Variants in ZBTB7C observed in about 807,000 individuals in gnomAD.
The protein encoded by ZBTB7C is zinc finger and BTB domain containing 7C, also known as zinc finger and BTB domain-containing protein 7C.
Under a neutral mutation model 25.7 loss-of-function variants are expected in ZBTB7C, and 8 were observed. That is an observed-to-expected ratio of 0.31 (90% CI 0.18 to 0.56). The LOEUF (loss-of-function observed/expected upper bound fraction) is 0.56, where lower values mean the gene tolerates loss of function less well. Ranked by LOEUF, ZBTB7C falls within the 20% of genes least tolerant of loss-of-function variation. ZBTB7C has a pLI of 0.91. For synonymous variants in ZBTB7C, 394 were observed against 369.0 expected (o/e 1.07, Z -0.78); for missense variants, 824 against 855.2 (o/e 0.96, Z 0.46).
At chr18:48,217,128 T>C (rs967678419) in intron 2 of ZBTB7C, among the ~76,000 whole-genome samples, 5 of 152,160 alleles carry the variant, frequency 3.3e-5, no homozygotes, top group African/African-American at 1.2e-4. Context: ...GAACCAACCC[T>C]GCTGACAGCT....
At chr18:48,304,459 G>A (rs1012255796) in intron 2 of ZBTB7C, among the ~76,000 whole-genome samples, 1 of 152,154 alleles carries the variant, frequency 6.6e-6, no homozygotes. Flanking sequence ...GGGATCACCT[G>A]TGGTCAGGAG....
intron 3 of ZBTB7C, among the ~76,000 whole-genome samples, chr18:48,102,215 C>T (rs991238534): frequency 6.6e-6 from 1 of 152,128 alleles, no homozygotes; most frequent in African/African-American, 2.4e-5. Flanking sequence ...ATTAATAGTA[C>T]AGGCACAACC....
At chr18:48,068,186 T>G (rs1447273683) in intron 3 of ZBTB7C, among the ~76,000 whole-genome samples, 1 of 147,372 alleles carries the variant, frequency 6.8e-6, no homozygotes, top group Non-Finnish European at 1.5e-5. Flanking sequence ...TTGCCCAGGC[T>G]GAAGTGCAGT....
intron 3 of ZBTB7C, among the ~76,000 whole-genome samples, chr18:48,083,178 CTTTTT>C (rs922350142): frequency 6.6e-6 from 1 of 152,166 alleles, no homozygotes; most frequent in Non-Finnish European, 1.5e-5. Flanking sequence ...TTCTTCTTTT[CTTTTT>C]TTAATTTTAA....
intron 3 of ZBTB7C, among the ~76,000 whole-genome samples, chr18:48,077,708 G>A (rs1434600450): frequency 6.6e-6 from 1 of 152,170 alleles, no homozygotes; most frequent in Non-Finnish European, 1.5e-5. Context: ...TGTAGTGGTG[G>A]CAACATTTGA....
intron 1 of ZBTB7C, among the ~76,000 whole-genome samples, chr18:48,348,179 G>A (rs1460531580): frequency 6.6e-6 from 1 of 152,192 alleles, no homozygotes; most frequent in Non-Finnish European, 1.5e-5. Context: ...TGGAGGGGTG[G>A]GGATGTTACA....
intron 3 of ZBTB7C, among the ~76,000 whole-genome samples, chr18:48,049,245 C>T (rs2036591011): frequency 6.6e-6 from 1 of 152,186 alleles, no homozygotes; most frequent in South Asian, 2.1e-4. Context: ...TTACTAGGAA[C>T]ATGAAGTGCT....
intron 3 of ZBTB7C, among the ~76,000 whole-genome samples, chr18:48,061,997 C>A (rs1269220788): frequency 6.6e-6 from 1 of 152,156 alleles, no homozygotes; most frequent in Non-Finnish European, 1.5e-5. Context: ...CAGGCCTGGG[C>A]ACACAGTGTA....
At chr18:48,120,375 C>T (rs2039588323) in intron 3 of ZBTB7C, among the ~76,000 whole-genome samples, 1 of 152,126 alleles carries the variant, frequency 6.6e-6, no homozygotes, top group African/African-American at 2.4e-5. Flanking sequence ...CCTGTAATCC[C>T]AGCACTTTGG....
intron 2 of ZBTB7C, among the ~76,000 whole-genome samples, chr18:48,284,861 T>C (rs1224004368): frequency 6.6e-6 from 1 of 151,384 alleles, no homozygotes; most frequent in Admixed American, 6.6e-5. Flanking sequence ...CCTCCTTTGG[T>C]TTTATAGTTA....
intron 1 of ZBTB7C, among the ~76,000 whole-genome samples, chr18:48,350,973 C>T (rs1202406230): frequency 6.6e-6 from 1 of 151,072 alleles, no homozygotes; most frequent in Admixed American, 6.7e-5. Flanking sequence ...ATCTTTTGGT[C>T]TTACATACAA....
intron 2 of ZBTB7C, among the ~76,000 whole-genome samples, chr18:48,221,714 T>G (rs1242103199): frequency 6.6e-6 from 1 of 150,546 alleles, no homozygotes; most frequent in African/African-American, 2.5e-5. Context: ...ACTGTCCAAG[T>G]CTCCATCTAT....
At chr18:48,237,236 T>G (rs2043403532) in intron 2 of ZBTB7C, among the ~76,000 whole-genome samples, 1 of 152,042 alleles carries the variant, frequency 6.6e-6, no homozygotes, top group Non-Finnish European at 1.5e-5. Context: ...TCCTCTACAA[T>G]ACAGCACAGA....
chr18:48,135,779 A>G (rs1323529030), intron 3 of ZBTB7C, among the ~76,000 whole-genome samples: 1 of 152,106 alleles, frequency 6.6e-6, no homozygotes, highest in Non-Finnish European at 1.5e-5. Flanking sequence ...CTTCTATCTC[A>G]TCTGGAGAAA....
At chr18:48,073,230 C>T (rs1381134472) in intron 3 of ZBTB7C, among the ~76,000 whole-genome samples, 2 of 152,140 alleles carry the variant, frequency 1.3e-5, no homozygotes, top group Non-Finnish European at 2.9e-5. Context: ...AATCTGCACA[C>T]CACAGGGGGT....
chr18:48,035,282 C>T (rs2035924150), intron 4 of ZBTB7C, among the ~76,000 whole-genome samples: 1 of 152,208 alleles, frequency 6.6e-6, no homozygotes, highest in Admixed American at 6.5e-5. Flanking sequence ...CCATCCCCAC[C>T]CAGGACGGTG....
chr18:48,191,927 A>G (rs1175214992), intron 2 of ZBTB7C, among the ~76,000 whole-genome samples: 1 of 152,252 alleles, frequency 6.6e-6, no homozygotes, highest in African/African-American at 2.4e-5. Flanking sequence ...CATAGACTCC[A>G]GCAATCACAC....
rs562317709 is a variant in ZBTB7C at position 48,168,775 on chromosome 18, G to A, written c.-17+17159C>T. Among the ~76,000 whole-genome samples the A allele has an allele frequency of 1.1e-4, 17 of 152,322 alleles. No homozygotes were observed. In the East Asian group the frequency reaches 1.9e-3, roughly 17 times the overall value. On this transcript the variant is annotated intron_variant, in intron 3 of 4. Transcript: ENST00000590800. Reference sequence around the variant, plus strand: ...TAGTTTATATTTTCGTGGAAGTTGCGTAAAGGATAATGTTGGTCTTCTGTC... The same window carrying A: ...TAGTTTATATTTTCGTGGAAGTTGCATAAAGGATAATGTTGGTCTTCTGTC...
chr18:48,093,767 A>G (rs1465408909), intron 3 of ZBTB7C, among the ~76,000 whole-genome samples: 1 of 152,190 alleles, frequency 6.6e-6, no homozygotes, highest in Non-Finnish European at 1.5e-5. Flanking sequence ...AAAGATTAAT[A>G]GGCTTCGGCC....
Sources: allele counts gnomAD v4.1 joint callset (sites outside exome capture counted in the v4.1 genomes callset), GRCh38; gene constraint gnomAD v4.1.1; transcripts MANE v1.5; gene names NCBI Gene and HGNC (gene_info 2026-07-23, HGNC 2026-07-21).